DOCK4: variants seen among roughly 807,000 people sequenced by gnomAD.
DOCK4 encodes the protein dedicator of cytokinesis protein 4.
A neutral mutation model predicts 268.1 loss-of-function variants in DOCK4; 97 were observed. That is an observed-to-expected ratio of 0.36 (90% CI 0.31 to 0.43). The LOEUF is 0.43. Ranked by LOEUF, DOCK4 falls within the 20% of genes least tolerant of loss-of-function variation. DOCK4 has a pLI of 1.00. For synonymous variants in DOCK4, 954 were observed against 887.2 expected, an observed-to-expected ratio of 1.08 and a Z score of -1.34; for missense variants, 2,145 against 2,455.7, an observed-to-expected ratio of 0.87 and a Z score of 2.67.
intron 1 of DOCK4, among the ~76,000 whole-genome samples, chr7:112,083,540 GA>G (rs1363173007): frequency 6.6e-6 from 1 of 151,442 alleles, no homozygotes; most frequent in Non-Finnish European, 1.5e-5. Context: ...ATTCTTTTTG[GA>G]ACAAAATGAT....
At chr7:111,767,224 A>AAT in intron 37 of DOCK4, 106 bp from the exon 38 acceptor site, 3 of 793,398 alleles carry the variant, frequency 3.8e-6, no homozygotes, top group Non-Finnish European at 5.8e-6. Context: ...CTTACTCCTT[A>AAT]ATCTTTTTTT....
chr7:111,897,915 T>C (rs1467986183), intron 15 of DOCK4, among the ~76,000 whole-genome samples: 3 of 152,216 alleles, frequency 2.0e-5, no homozygotes, highest in East Asian at 1.9e-4. Flanking sequence ...TGGGTTACCC[T>C]GGACTTTTCT....
intron 51 of DOCK4, chr7:111,732,524 G>A: frequency 1.8e-6 from 1 of 563,138 alleles, no homozygotes; most frequent in East Asian, 3.0e-5. Context: ...TGGCATATAT[G>A]ATGCTTTGAC....
intron 38 of DOCK4, among the ~76,000 whole-genome samples, chr7:111,765,765 C>A (rs1001982242): frequency 3.9e-5 from 6 of 152,114 alleles, no homozygotes; most frequent in Non-Finnish European, 7.4e-5. Flanking sequence ...CAAAGGAGAC[C>A]CATAGTGCAA....
intron 51 of DOCK4, among the ~76,000 whole-genome samples, chr7:111,732,732 C>T (rs965082168): frequency 6.6e-5 from 10 of 152,286 alleles, no homozygotes; most frequent in South Asian, 2.1e-4. Flanking sequence ...AACAGGTCTA[C>T]GGGAACATAT....
chr7:112,135,325 A>G (rs2116189185), intron 1 of DOCK4, among the ~76,000 whole-genome samples: 1 of 152,254 alleles, frequency 6.6e-6, no homozygotes, highest in Admixed American at 6.5e-5. Flanking sequence ...TTTTAGTCTT[A>G]TGTTTTTGTC....
intron 36 of DOCK4, among the ~76,000 whole-genome samples, chr7:111,770,613 A>C (rs1267357594): frequency 6.6e-6 from 1 of 152,204 alleles, no homozygotes; most frequent in Non-Finnish European, 1.5e-5. Flanking sequence ...TAGATCAAGA[A>C]TAGGAACCAG....
intron 13 of DOCK4, among the ~76,000 whole-genome samples, chr7:111,905,070 G>C (rs1586324155): frequency 6.6e-6 from 1 of 152,292 alleles, no homozygotes; most frequent in East Asian, 1.9e-4. Context: ...CTCTCCCCAG[G>C]AATTTTACAG....
At chr7:111,736,254 T>G (rs1361847608) in intron 50 of DOCK4, among the ~76,000 whole-genome samples, 2 of 152,170 alleles carry the variant, frequency 1.3e-5, no homozygotes, top group Non-Finnish European at 2.9e-5. Flanking sequence ...ACTGCTCTTA[T>G]TTTTGAGGCT....
intron 1 of DOCK4, among the ~76,000 whole-genome samples, chr7:112,030,300 T>G (rs1397146567): frequency 6.6e-6 from 1 of 152,270 alleles, no homozygotes; most frequent in Non-Finnish European, 1.5e-5. Flanking sequence ...TGCTCAAATC[T>G]GAGACATACA....
At chr7:111,912,412 C>A (rs1792184975) in intron 13 of DOCK4, among the ~76,000 whole-genome samples, 2 of 152,096 alleles carry the variant, frequency 1.3e-5, no homozygotes, top group Admixed American at 6.5e-5. Context: ...GACAAAAGGG[C>A]AGAAGCTCTT....
At chr7:111,885,471 G>A (rs1478353474) in intron 16 of DOCK4, among the ~76,000 whole-genome samples, 3 of 152,152 alleles carry the variant, frequency 2.0e-5, no homozygotes, top group Non-Finnish European at 4.4e-5. Context: ...TAGAGAACTC[G>A]TTTTCTTGTG....
At chr7:112,057,305 C>T (rs1304792805) in intron 1 of DOCK4, among the ~76,000 whole-genome samples, 2 of 152,032 alleles carry the variant, frequency 1.3e-5, no homozygotes, top group African/African-American at 4.8e-5. Context: ...CACTTTGGGA[C>T]TTTGGGATGC....
chr7:111,995,095 G>A (rs564231643), intron 4 of DOCK4, among the ~76,000 whole-genome samples: 2 of 151,252 alleles, frequency 1.3e-5, no homozygotes, highest in South Asian at 2.1e-4. Context: ...GCAGTGGCGC[G>A]ATCTCGGCTC....
chr7:111,825,621 G>T lies in DOCK4; in HGVS notation c.2836-3165C>A, dbSNP rs966379592. ...ATATGCTACCATTTAAAACCTGGCA[G>T]AATGGGAGCAGTTTCTTTTTCTGTT... On this transcript the variant is annotated intron_variant, in intron 26 of 52. Coordinates refer to ENST00000428084, the MANE Select transcript of DOCK4 (RefSeq NM_001363540.2). Among the ~76,000 whole-genome samples, 9 of 152,320 alleles carry T rather than the reference G, an allele frequency of 5.9e-5. 1 individual carries two copies. The South Asian group carries it at 1.2e-3, about 21-fold the overall frequency.
At chr7:112,020,950 C>T (rs776079240) in intron 1 of DOCK4, among the ~76,000 whole-genome samples, 12 of 152,156 alleles carry the variant, frequency 7.9e-5, no homozygotes, top group African/African-American at 2.7e-4. Context: ...ATTTGTACTT[C>T]GTTTTCCTGC....
At chr7:112,087,946 T>A (rs1425109688) in intron 1 of DOCK4, among the ~76,000 whole-genome samples, 1 of 152,002 alleles carries the variant, frequency 6.6e-6, no homozygotes, top group Non-Finnish European at 1.5e-5. Context: ...TGTTAAAAAA[T>A]ATGATAGAAA....
chr7:111,778,439 T>C, intron 35 of DOCK4, 70 bp from the exon 36 acceptor site: 1 of 954,188 alleles, frequency 1.0e-6, no homozygotes, highest in Non-Finnish European at 1.6e-6. Context: ...CCTTTTACTC[T>C]GCTAAAGTTC....
chr7:112,046,803 G>C (rs1163936193), intron 1 of DOCK4, among the ~76,000 whole-genome samples: 1 of 152,192 alleles, frequency 6.6e-6, no homozygotes, highest in East Asian at 1.9e-4. Flanking sequence ...CCTTGATAGA[G>C]GGTCCAGGCC....
Sources: gnomAD v4.1 joint callset for allele counts (sites outside exome capture counted in the v4.1 genomes callset) on GRCh38, gnomAD v4.1.1 for gene constraint, MANE v1.5 for transcripts, NCBI Gene and HGNC (gene_info 2026-07-23, HGNC 2026-07-21) for gene names.